Variants in COL25A1 observed in about 807,000 individuals in gnomAD.
The protein encoded by COL25A1 is collagen alpha-1(XXV) chain.
COL25A1 carries 103 observed loss-of-function variants against 128.4 expected under a neutral mutation model. The observed-to-expected ratio is 0.80, with a 90% CI of 0.68 to 0.94. The LOEUF (loss-of-function observed/expected upper bound fraction) is 0.94, where lower values mean the gene tolerates loss of function less well. Ranked by LOEUF, COL25A1 falls within the 40% of genes least tolerant of loss-of-function variation. The pLI is 0.00. For missense variants in COL25A1, 745 were observed against 840.0 expected (o/e 0.89, Z 1.40); for synonymous variants, 279 against 277.2 (o/e 1.01, Z -0.06).
intron 13 of COL25A1, among the ~76,000 whole-genome samples, chr4:108,912,817 T>C (rs1744390889): frequency 6.6e-6 from 1 of 152,124 alleles, no homozygotes; most frequent in South Asian, 2.1e-4. Flanking sequence ...AAAATGCCAT[T>C]AAAAATATGC....
At chr4:108,941,860 C>T (rs1038011258) in intron 8 of COL25A1, among the ~76,000 whole-genome samples, 1 of 152,140 alleles carries the variant, frequency 6.6e-6, no homozygotes, top group African/African-American at 2.4e-5. Context: ...TTTATTGACG[C>T]CTGAAGTCCA....
Position 109,302,187 on chromosome 4 carries a change from C to T in COL25A1, c.-75G>A. The T allele has an allele frequency of 2.3e-6, 2 of 853,590 alleles. No homozygotes were observed. Among genetic ancestry groups the T allele is most frequent in the Non-Finnish European group, 3.5e-6 (2 of 574,866 alleles). The allele number at this position is 853,590 out of a possible 1,614,324, so 52.9% of individuals were successfully genotyped here. On this transcript the variant is annotated 5_prime_UTR_variant, in exon 1 of 38. Transcript: ENST00000399132. ...TACGGACCCCTGCCTTGCTCAGCGTCCAGACCCGCAGGCGTGCACCATCCC... is the reference window on the plus strand; with the variant it reads ...TACGGACCCCTGCCTTGCTCAGCGTTCAGACCCGCAGGCGTGCACCATCCC...
chr4:109,089,164 C>T (rs557103144), intron 3 of COL25A1, among the ~76,000 whole-genome samples: 2 of 152,274 alleles, frequency 1.3e-5, no homozygotes, highest in East Asian at 3.9e-4. Flanking sequence ...AAAGCCATCA[C>T]ATTGTGGGAA....
In COL25A1 at chr4:108,899,145, C is replaced by A; in HGVS notation, c.861+9G>T. 2 of 1,608,996 alleles carry A rather than the reference C, an allele frequency of 1.2e-6. No homozygotes were observed. Among genetic ancestry groups the A allele is most frequent in the Non-Finnish European group, 1.7e-6 (2 of 1,177,584 alleles). On this transcript the variant is annotated intron_variant, in intron 15 of 37. Transcript: ENST00000399132. The stretch of plus-strand genomic sequence containing the variant: ...AGGGAGAGAGAAATACAGGCAGAAT[C>A]ATTCTTACCTTTTCACCTTGTTCTC...
intron 3 of COL25A1, among the ~76,000 whole-genome samples, chr4:109,157,082 C>A (rs1477180882): frequency 6.6e-6 from 1 of 152,198 alleles, no homozygotes; most frequent in Non-Finnish European, 1.5e-5. Flanking sequence ...TTTTAACTGA[C>A]AGTCAGTTGC....
At chr4:109,161,427 G>A (rs1772567545) in intron 3 of COL25A1, among the ~76,000 whole-genome samples, 1 of 152,048 alleles carries the variant, frequency 6.6e-6, no homozygotes, top group Non-Finnish European at 1.5e-5. Context: ...TAGTAAATCT[G>A]TTCTTTCTTT....
At chr4:109,160,618 T>C (rs1230942428) in intron 3 of COL25A1, among the ~76,000 whole-genome samples, 1 of 152,128 alleles carries the variant, frequency 6.6e-6, no homozygotes, top group Non-Finnish European at 1.5e-5. Flanking sequence ...ATCTGCACAA[T>C]TTAGCATATT....
intron 12 of COL25A1, 121 bp downstream of exon 12, chr4:108,920,457 T>C: frequency 1.7e-6 from 1 of 594,832 alleles, no homozygotes; most frequent in Admixed American, 3.0e-5. Flanking sequence ...GAAAGCAGAA[T>C]ACACAAACCA....
intron 19 of COL25A1, among the ~76,000 whole-genome samples, chr4:108,873,633 CAA>C (rs1179878995): frequency 2.0e-5 from 3 of 151,852 alleles, no homozygotes; most frequent in Non-Finnish European, 1.5e-5. Flanking sequence ...TGGTAATATA[CAA>C]AGTGTCTTCT....
rs1765377440 is a variant in COL25A1 at position 109,096,125 on chromosome 4, G to A, written c.368-45946C>T. On this transcript the variant is annotated intron_variant, in intron 3 of 37. Coordinates refer to ENST00000399132, the MANE Select transcript of COL25A1 (RefSeq NM_198721.4). ...TGTCATTATCACTTAACCATTTAAT[G>A]CATGTTTTCTTCATGCATAGCAAAA... Among the ~76,000 whole-genome samples the A allele has an allele frequency of 5.9e-5, 9 of 152,170 alleles. No individual in the cohort carries two copies. The South Asian group carries it at 1.7e-3, about 28-fold the overall frequency.
chr4:108,960,602 C>T (rs1032803758), intron 8 of COL25A1, among the ~76,000 whole-genome samples: 15 of 152,114 alleles, frequency 9.9e-5, no homozygotes, highest in African/African-American at 2.4e-4. Context: ...TCAAGGACTA[C>T]GTTAGAGCCC....
intron 3 of COL25A1, among the ~76,000 whole-genome samples, chr4:109,256,982 T>C (rs1781127951): frequency 6.6e-6 from 1 of 152,186 alleles, no homozygotes; most frequent in Non-Finnish European, 1.5e-5. Flanking sequence ...AACAATTTTA[T>C]CTAGGCTCAT....
intron 3 of COL25A1, among the ~76,000 whole-genome samples, chr4:109,275,126 G>A (rs1722692761): frequency 6.6e-6 from 1 of 152,132 alleles, no homozygotes; most frequent in African/African-American, 2.4e-5. Flanking sequence ...CAGCTGAAAA[G>A]AACAGCAGCA....
At chr4:109,172,651 G>A (rs1427799969) in intron 3 of COL25A1, among the ~76,000 whole-genome samples, 2 of 152,118 alleles carry the variant, frequency 1.3e-5, no homozygotes, top group South Asian at 2.1e-4. Flanking sequence ...CTGTTAGGAC[G>A]CTAAAATCTG....
chr4:108,866,809 T>C (rs943356041), intron 20 of COL25A1, among the ~76,000 whole-genome samples: 1 of 152,184 alleles, frequency 6.6e-6, no homozygotes, highest in African/African-American at 2.4e-5. Context: ...AATTAGATAT[T>C]TCAAATAATA....
chr4:108,982,768 AATTTTT>A lies in COL25A1; in HGVS notation c.439-8215_439-8210del, dbSNP rs925512022. Reference sequence around the variant, plus strand: ...AACCAGCCTCACTTACTAGAAAACAAATTTTTATGGCTATTATTTTCTGGGCATTTT... The same window carrying A: ...AACCAGCCTCACTTACTAGAAAACAAATGGCTATTATTTTCTGGGCATTTT... On this transcript the variant is annotated intron_variant, in intron 6 of 37. Coordinates refer to ENST00000399132, the MANE Select transcript of COL25A1 (RefSeq NM_198721.4). 2.5e-4 allele frequency among the ~76,000 whole-genome samples: 38 copies of A among 152,276 alleles called. No homozygotes were observed. The South Asian group carries it at 3.5e-3, about 14-fold the overall frequency.
chr4:109,100,014 G>GT, intron 3 of COL25A1, among the ~76,000 whole-genome samples: 1 of 152,092 alleles, frequency 6.6e-6, no homozygotes, highest in East Asian at 1.9e-4. Context: ...CAATCCTTCT[G>GT]TAAGCCCAAA....
At position 108,863,267 on chromosome 4, in the gene COL25A1, TA is replaced by T. The variant is rs1346710217; in HGVS notation, c.1152+51del. 5.1e-6 allele frequency: 8 copies of T among 1,563,312 alleles called. No individual in the cohort carries two copies. In the East Asian group the frequency reaches 1.3e-4, roughly 26 times the overall value. On this transcript the variant is annotated intron_variant, in intron 21 of 37. Coordinates refer to ENST00000399132, the MANE Select transcript of COL25A1 (RefSeq NM_198721.4). Reference sequence around the variant, plus strand: ...AATGTTGTTTTAGTTTTTTGTGTTCTAAATCAAATCAAGCCAGAGAATGGTT... The same window carrying T: ...AATGTTGTTTTAGTTTTTTGTGTTCTAATCAAATCAAGCCAGAGAATGGTT...
chr4:108,938,985 A>T (rs967990665), intron 10 of COL25A1, among the ~76,000 whole-genome samples: 1 of 152,236 alleles, frequency 6.6e-6, no homozygotes, highest in African/African-American at 2.4e-5. Flanking sequence ...AGAAAGCTCC[A>T]TTTCTTACTT....
Sources: gnomAD v4.1 joint callset for allele counts (sites outside exome capture counted in the v4.1 genomes callset) on GRCh38, gnomAD v4.1.1 for gene constraint, MANE v1.5 for transcripts, NCBI Gene and HGNC (gene_info 2026-07-23, HGNC 2026-07-21) for gene names.